Variants in CDH18 observed in about 807,000 individuals in gnomAD.
CDH18 encodes the protein cadherin 18, also known as cadherin-18.
CDH18 carries 31 observed loss-of-function variants against 67.9 expected under a neutral mutation model. The ratio of observed to expected loss-of-function variants is 0.46; its 90% CI spans 0.34 to 0.62. The LOEUF (loss-of-function observed/expected upper bound fraction) is 0.62, where lower values mean the gene tolerates loss of function less well. Ranked by LOEUF, CDH18 falls within the 20% of genes least tolerant of loss-of-function variation. The probability of loss-of-function intolerance (pLI) is 0.01; values close to 1 mark genes in which losing one functional copy is unlikely to be tolerated. For missense variants in CDH18, 890 were observed against 975.5 expected, an observed-to-expected ratio of 0.91 and a Z score of 1.17; for synonymous variants, 362 against 347.2, an observed-to-expected ratio of 1.04 and a Z score of -0.48.
intron 1 of CDH18, among the ~76,000 whole-genome samples, chr5:20,477,359 T>C (rs1752510519): frequency 6.6e-6 from 1 of 152,156 alleles, no homozygotes; most frequent in Non-Finnish European, 1.5e-5. Context: ...TACCTGGTTT[T>C]AACATCATAC....
At chr5:20,305,118 G>A in intron 1 of CDH18, 1 of 1,530,094 alleles carries the variant, frequency 6.5e-7, no homozygotes, top group Non-Finnish European at 9.1e-7. Context: ...GAGAACCAAA[G>A]GCTACCTTGG....
rs369340372 is a variant in CDH18, at chr5:20,198,207, T to G, written c.-518+57237A>C. ...TATACCCATAAATGTGGAAGTGACT[T>G]TGGAACTCGGTAACAGACAGACATT... On this transcript the variant is annotated intron_variant, in intron 2 of 14. Transcript: ENST00000507958. Among the ~76,000 whole-genome samples the G allele has an allele frequency of 5.8e-4, 89 of 152,278 alleles. No individual in the cohort carries two copies. In the South Asian group the frequency reaches 0.016, roughly 28 times the overall value.
chr5:20,552,088 G>C (rs1341769048), intron 1 of CDH18, among the ~76,000 whole-genome samples: 3 of 151,868 alleles, frequency 2.0e-5, no homozygotes, highest in African/African-American at 7.3e-5. Context: ...GCAATAGCAG[G>C]TATGTTTGCC....
At chr5:20,262,800 T>A (rs1253204279) in intron 1 of CDH18, among the ~76,000 whole-genome samples, 1 of 151,844 alleles carries the variant, frequency 6.6e-6, no homozygotes, top group African/African-American at 2.4e-5. Flanking sequence ...AATCGATCAG[T>A]TAAGTAATTA....
intron 2 of CDH18, among the ~76,000 whole-genome samples, chr5:20,253,499 G>C (rs114098411): frequency 0.014 from 2,107 of 152,238 alleles, 37 homozygotes; most frequent in African/African-American, 0.048. Context: ...CCCCATCCAA[G>C]GGATCCAAAG....
intron 7 of CDH18, among the ~76,000 whole-genome samples, chr5:19,573,487 C>G (rs1051392528): frequency 1.3e-5 from 2 of 152,078 alleles, no homozygotes; most frequent in East Asian, 3.9e-4. Context: ...ACCGTGTTAG[C>G]CAGGATGGTC....
At chr5:19,673,001 T>G (rs1758960029) in intron 5 of CDH18, among the ~76,000 whole-genome samples, 1 of 152,028 alleles carries the variant, frequency 6.6e-6, no homozygotes, top group Admixed American at 6.6e-5. Flanking sequence ...ATCAGAAATG[T>G]CTTTAGGTGA....
At chr5:20,458,855 T>C (rs1189628720) in intron 1 of CDH18, among the ~76,000 whole-genome samples, 3 of 152,164 alleles carry the variant, frequency 2.0e-5, no homozygotes, top group Non-Finnish European at 4.4e-5. Context: ...GTGCAACATT[T>C]TAAAAAGTGA....
At chr5:20,231,412 C>T (rs1025045528) in intron 2 of CDH18, among the ~76,000 whole-genome samples, 17 of 151,820 alleles carry the variant, frequency 1.1e-4, no homozygotes, top group Non-Finnish European at 2.1e-4. Flanking sequence ...GAGTTCGAGA[C>T]CAACATGGTG....
At position 20,085,679 on chromosome 5, in the gene CDH18, A is replaced by T. The variant is rs1042791964; in HGVS notation, c.-517-93665T>A. On this transcript the variant is annotated intron_variant, in intron 2 of 14. Coordinates refer to the CDH18 transcript ENST00000507958. ...ACAATCATGGAAAAAGTCAAGGAAG[A>T]GCAAGTCTTGTCTTACACAGATGCC... Among the ~76,000 whole-genome samples the T allele has an allele frequency of 1.4e-4, 21 of 152,206 alleles. 2 individuals carry two copies. Among genetic ancestry groups the T allele is most frequent in the Admixed American group, 5.9e-4 (9 of 15,282 alleles).
chr5:19,644,656 A>G (rs1754476546), intron 5 of CDH18, among the ~76,000 whole-genome samples: 1 of 152,090 alleles, frequency 6.6e-6, no homozygotes, highest in Non-Finnish European at 1.5e-5. Context: ...CATATTCTCC[A>G]TATATGGATC....
chr5:19,522,324 A>G (rs886831250), intron 9 of CDH18, among the ~76,000 whole-genome samples: 1 of 152,178 alleles, frequency 6.6e-6, no homozygotes, highest in Non-Finnish European at 1.5e-5. Flanking sequence ...CTAAGAATTA[A>G]AGGAACCTAT....
chr5:19,552,298 A>C (rs550667862), intron 8 of CDH18, among the ~76,000 whole-genome samples: 1 of 152,258 alleles, frequency 6.6e-6, no homozygotes, highest in Non-Finnish European at 1.5e-5. Context: ...AGAACAAATA[A>C]ATTTGCGCCT....
intron 8 of CDH18, among the ~76,000 whole-genome samples, chr5:19,570,449 T>C (rs1741200979): frequency 1.3e-5 from 2 of 152,146 alleles, no homozygotes; most frequent in Admixed American, 1.3e-4. Context: ...GCATGGGTGC[T>C]AGGGGAATTA....
chr5:19,765,192 C>T (rs979680628), intron 3 of CDH18, among the ~76,000 whole-genome samples: 11 of 152,078 alleles, frequency 7.2e-5, no homozygotes, highest in African/African-American at 2.7e-4. Flanking sequence ...ACTGCATCCC[C>T]GCTATGTATC....
chr5:20,012,384 A>AC (rs1561712589), intron 2 of CDH18, among the ~76,000 whole-genome samples: 1 of 151,052 alleles, frequency 6.6e-6, no homozygotes, highest in Non-Finnish European at 1.5e-5. Flanking sequence ...AAAAAAAAAA[A>AC]AAAAAAACAC....
intron 1 of CDH18, among the ~76,000 whole-genome samples, chr5:20,328,407 G>A (rs1193343129): frequency 6.6e-6 from 1 of 151,636 alleles, no homozygotes. Flanking sequence ...TAAAAGAGAG[G>A]AGTCTGGAGT....
At chr5:19,538,882 T>C (rs896906614) in intron 9 of CDH18, among the ~76,000 whole-genome samples, 8 of 152,160 alleles carry the variant, frequency 5.3e-5, no homozygotes, top group Admixed American at 1.3e-4. Context: ...TAAATATCAC[T>C]TCACAAAACA....
At chr5:19,576,051 G>A (rs1191063402) in intron 7 of CDH18, among the ~76,000 whole-genome samples, 1 of 152,084 alleles carries the variant, frequency 6.6e-6, no homozygotes, top group African/African-American at 2.4e-5. Flanking sequence ...GTGGCAAGCA[G>A]AGCTACAGAC....
Sources: allele counts gnomAD v4.1 joint callset (sites outside exome capture counted in the v4.1 genomes callset), GRCh38; gene constraint gnomAD v4.1.1; transcripts MANE v1.5; gene names NCBI Gene and HGNC (gene_info 2026-07-23, HGNC 2026-07-21).